The following KHDRBS3 variants were observed in gnomAD, a reference collection of about 807,000 sequenced individuals.
The protein encoded by KHDRBS3 is KH RNA binding domain containing, signal transduction associated 3, also known as KH domain-containing, RNA-binding, signal transduction-associated protein 3.
A neutral mutation model predicts 45.6 loss-of-function variants in KHDRBS3; 23 were observed. That is an observed-to-expected ratio of 0.50 (90% CI 0.36 to 0.72). KHDRBS3 has a LOEUF of 0.72. Among genes scored for constraint, KHDRBS3 ranks in the 30% least tolerant of loss-of-function variants. The probability of loss-of-function intolerance (pLI) is 0.00; values close to 1 mark genes in which losing one functional copy is unlikely to be tolerated. For missense variants in KHDRBS3, 352 were observed against 424.8 expected, an observed-to-expected ratio of 0.83 and a Z score of 1.51; for synonymous variants, 162 against 156.5, an observed-to-expected ratio of 1.04 and a Z score of -0.26.
chr8:135,652,794 G>T (rs1480307165), intron 4 of KHDRBS3, among the ~76,000 whole-genome samples: 3 of 152,150 alleles, frequency 2.0e-5, no homozygotes, highest in African/African-American at 7.2e-5. Context: ...GAGATTGGCT[G>T]TTTACCCTCC....
intron 1 of KHDRBS3, among the ~76,000 whole-genome samples, chr8:135,517,230 T>G (rs1824656704): frequency 6.6e-6 from 1 of 152,228 alleles, no homozygotes. Context: ...TAGGAGATGG[T>G]ATTGGTACCT....
intron 6 of KHDRBS3, among the ~76,000 whole-genome samples, chr8:135,602,447 A>G (rs947571306): frequency 1.3e-5 from 2 of 152,256 alleles, no homozygotes; most frequent in Non-Finnish European, 1.5e-5. Context: ...ATCGAAGTCA[A>G]TAACTCAAAG....
intron 8 of KHDRBS3, 32 bp downstream of exon 8, chr8:135,645,149 G>C (rs368027965): frequency 4.3e-4 from 688 of 1,609,332 alleles, no homozygotes; most frequent in Non-Finnish European, 5.7e-4. Context: ...GTGAAGAGAG[G>C]GAGGAGAGAT....
At chr8:135,618,272 C>G (rs890348673) in intron 7 of KHDRBS3, among the ~76,000 whole-genome samples, 3 of 152,026 alleles carry the variant, frequency 2.0e-5, no homozygotes, top group Admixed American at 2.0e-4. Flanking sequence ...AAAGAGTAAG[C>G]AATTTCTGGA....
At chr8:135,527,923 T>A (rs1246021793) in intron 2 of KHDRBS3, among the ~76,000 whole-genome samples, 1 of 152,206 alleles carries the variant, frequency 6.6e-6, no homozygotes, top group Admixed American at 6.5e-5. Flanking sequence ...AATAACTTAG[T>A]GTAACCTTTA....
At chr8:135,514,465 A>G (rs1824464365) in intron 1 of KHDRBS3, among the ~76,000 whole-genome samples, 1 of 152,226 alleles carries the variant, frequency 6.6e-6, no homozygotes, top group African/African-American at 2.4e-5. Flanking sequence ...CCAAGCATGG[A>G]AAGACAAATA....
At chr8:135,550,863 T>A (rs894714822) in intron 4 of KHDRBS3, among the ~76,000 whole-genome samples, 1 of 152,202 alleles carries the variant, frequency 6.6e-6, no homozygotes, top group Admixed American at 6.5e-5. Flanking sequence ...GAACATGAAA[T>A]GTTTCTTCAC....
At chr8:135,583,663 G>C (rs530522423) in intron 6 of KHDRBS3, among the ~76,000 whole-genome samples, 31 of 152,160 alleles carry the variant, frequency 2.0e-4, no homozygotes, top group African/African-American at 7.0e-4. Flanking sequence ...AACTTTTTGG[G>C]CTTCATAATC....
Position 135,461,002 on chromosome 8 carries a change from G to A in KHDRBS3, c.88+3048G>A, listed in dbSNP as rs150189577. On this transcript the variant is annotated intron_variant, in intron 1 of 8. Coordinates refer to ENST00000355849, the MANE Select transcript of KHDRBS3 (RefSeq NM_006558.3). The stretch of plus-strand genomic sequence containing the variant: ...TTGGCTTTTATATTTTTCCAGACTT[G>A]TGTTTCATCGTGGGCACTGATTGCT... Among the ~76,000 whole-genome samples, 1,048 of 152,262 alleles carry A rather than the reference G, an allele frequency of 6.9e-3. 11 individuals carry two copies. The highest frequency in any genetic ancestry group is 0.024 in the African/African-American group (992 of 41,538).
intron 1 of KHDRBS3, among the ~76,000 whole-genome samples, chr8:135,494,577 C>A (rs1057229215): frequency 6.6e-6 from 1 of 152,138 alleles, no homozygotes; most frequent in Admixed American, 6.5e-5. Context: ...CGCGCCCAGC[C>A]CTCCTCCTTT....
chr8:135,514,289 T>C (rs988564889), intron 1 of KHDRBS3, among the ~76,000 whole-genome samples: 78 of 152,296 alleles, frequency 5.1e-4, no homozygotes, highest in African/African-American at 1.7e-3. Flanking sequence ...TTATTTACAA[T>C]AGCTAAGAGG....
rs75473563 is a variant in KHDRBS3 at position 135,537,080 on chromosome 8, G to T, written c.208-5574G>T. Among the ~76,000 whole-genome samples the T allele has an allele frequency of 1.4e-4, 21 of 151,154 alleles. No homozygotes were observed. In the East Asian group the frequency reaches 4.1e-3, roughly 30 times the overall value. On this transcript the variant is annotated intron_variant, in intron 2 of 8. Transcript: ENST00000355849. Reference sequence around the variant, plus strand: ...TTAAACGCCCTCTCTATTCATGTTGGAGAGATAAAGCAGTGAACACACAGG... The same window carrying T: ...TTAAACGCCCTCTCTATTCATGTTGTAGAGATAAAGCAGTGAACACACAGG...
intron 1 of KHDRBS3, among the ~76,000 whole-genome samples, chr8:135,511,947 C>T (rs370615063): frequency 2.5e-4 from 38 of 152,212 alleles, no homozygotes; most frequent in East Asian, 5.8e-4. Context: ...TATATTTATG[C>T]GTATTTATGA....
chr8:135,458,134 A>G, intron 1 of KHDRBS3, 180 bp downstream of exon 1: 2 of 1,363,308 alleles, frequency 1.5e-6, no homozygotes, highest in Non-Finnish European at 1.9e-6. Flanking sequence ...CTAGGGGAAG[A>G]CCCTGATGTG....
chr8:135,582,893 G>A (rs145031038), intron 6 of KHDRBS3, among the ~76,000 whole-genome samples: 3 of 152,254 alleles, frequency 2.0e-5, no homozygotes, highest in Non-Finnish European at 2.9e-5. Context: ...AATCCCCTGG[G>A]CCTCAGACAA....
At position 135,499,368 on chromosome 8, in the gene KHDRBS3, C is replaced by T. The variant is rs147524699; in HGVS notation, c.89-21869C>T. ...AGAAATTAATTTTGCTAAAGTTACG[C>T]GGCTGCTAAGTGGTGGAGCTGTAAT... is the stretch of plus-strand genomic sequence containing the variant. On this transcript the variant is annotated intron_variant, in intron 1 of 8. Transcript: ENST00000355849. Among the ~76,000 whole-genome samples the T allele has an allele frequency of 3.1e-4, 47 of 152,278 alleles. 1 individual carries two copies. The East Asian group carries it at 7.7e-3, about 25-fold the overall frequency.
At chr8:135,656,122 G>A (rs1344608978) in intron 4 of KHDRBS3, 1 of 152,138 alleles carries the variant, frequency 6.6e-6, no homozygotes, top group East Asian at 1.9e-4. Flanking sequence ...TCTATTAAGT[G>A]TCCACTTGCC....
At position 135,571,944 on chromosome 8, in the gene KHDRBS3, C is replaced by T. The variant is rs550976803; in HGVS notation, c.612-9934C>T. The stretch of plus-strand genomic sequence containing the variant: ...TTCCTTTTCAAGGAATCAAACTGTG[C>T]TGTGATTCCTTTTTTGATTACTCAA... On this transcript the variant is annotated intron_variant, in intron 5 of 8. Coordinates refer to ENST00000355849, the MANE Select transcript of KHDRBS3 (RefSeq NM_006558.3). Among the ~76,000 whole-genome samples the T allele has an allele frequency of 2.0e-4, 30 of 152,302 alleles. 1 individual carries two copies. Among genetic ancestry groups the T allele is most frequent in the South Asian group, 1.9e-3 (9 of 4,824 alleles).
chr8:135,499,959 G>T (rs1486847475), intron 1 of KHDRBS3, among the ~76,000 whole-genome samples: 1 of 152,162 alleles, frequency 6.6e-6, no homozygotes, highest in Non-Finnish European at 1.5e-5. Flanking sequence ...CCAGTTGTTA[G>T]CCTATAACAG....
Sources: allele counts gnomAD v4.1 joint callset (sites outside exome capture counted in the v4.1 genomes callset), GRCh38; gene constraint gnomAD v4.1.1; transcripts MANE v1.5; gene names NCBI Gene and HGNC (gene_info 2026-07-23, HGNC 2026-07-21).